MSI2: variants seen among roughly 807,000 people sequenced by gnomAD.
MSI2 encodes musashi RNA binding protein 2, also known as RNA-binding protein Musashi homolog 2.
A neutral mutation model predicts 45.6 loss-of-function variants in MSI2; 17 were observed. The ratio of observed to expected loss-of-function variants is 0.37; its 90% CI spans 0.26 to 0.56. The LOEUF (loss-of-function observed/expected upper bound fraction) is 0.56, where lower values mean the gene tolerates loss of function less well. Among genes scored for constraint, MSI2 ranks in the 20% least tolerant of loss-of-function variants. The pLI, the probability that MSI2 is intolerant of heterozygous loss-of-function variation, is 0.77. For synonymous variants in MSI2, 156 were observed against 158.2 expected (o/e 0.99, Z 0.11); for missense variants, 293 against 444.2 (o/e 0.66, Z 3.06).
rs1221352627 is a variant in MSI2 at position 57,510,588 on chromosome 17, C to T, written c.406-19088C>T. ...GATTACAGGTGTGTGCCACCACGCC[C>T]GGCTAATTTCTGTATTATTAGTAGA... On this transcript the variant is annotated intron_variant, in intron 6 of 13. Transcript: ENST00000284073. 7.9e-5 allele frequency among the ~76,000 whole-genome samples: 12 copies of T among 152,000 alleles called. No individual in the cohort carries two copies. In the South Asian group the frequency reaches 8.3e-4, roughly 11 times the overall value.
intron 6 of MSI2, among the ~76,000 whole-genome samples, chr17:57,461,953 C>A (rs2085238380): frequency 6.6e-6 from 1 of 152,180 alleles, no homozygotes; most frequent in African/African-American, 2.4e-5. Context: ...GCTGCCATAA[C>A]AAAGTACCAC....
At chr17:57,500,581 T>C (rs1371984821) in intron 6 of MSI2, among the ~76,000 whole-genome samples, 2 of 151,624 alleles carry the variant, frequency 1.3e-5, no homozygotes, top group African/African-American at 2.4e-5. Flanking sequence ...TCCGGGTCTG[T>C]AGGGTGTGTG....
intron 11 of MSI2, among the ~76,000 whole-genome samples, chr17:57,666,956 A>G (rs1912412374): frequency 6.6e-6 from 1 of 152,258 alleles, no homozygotes; most frequent in Admixed American, 6.5e-5. Flanking sequence ...TGGAGCCACC[A>G]AACTGTAAGA....
the MSI2 span, among the ~76,000 whole-genome samples, chr17:57,696,779 G>A: frequency 3.9e-5 from 6 of 152,120 alleles, no homozygotes; most frequent in African/African-American, 1.4e-4. Context: ...TTAGGCATTT[G>A]GTCAGTGGGC....
chr17:57,464,877 A>G (rs1416586266), intron 6 of MSI2, among the ~76,000 whole-genome samples: 3 of 152,224 alleles, frequency 2.0e-5, no homozygotes, highest in Non-Finnish European at 4.4e-5. Context: ...ATCGTCAGAT[A>G]TGACAGAGCC....
intron 5 of MSI2, among the ~76,000 whole-genome samples, chr17:57,321,017 C>T (rs1913288736): frequency 1.3e-5 from 2 of 151,760 alleles, no homozygotes; most frequent in South Asian, 4.2e-4. Context: ...GATTCTGTAC[C>T]ACTCACCTGG....
chr17:57,274,123 T>C (rs1261219875), intron 5 of MSI2: 1 of 152,248 alleles, frequency 6.6e-6, no homozygotes, highest in African/African-American at 2.4e-5. Context: ...AATGACGTGA[T>C]GCCACATAGG....
intron 5 of MSI2, among the ~76,000 whole-genome samples, chr17:57,350,980 C>T (rs898414224): frequency 1.3e-5 from 2 of 152,176 alleles, no homozygotes; most frequent in Admixed American, 6.5e-5. Context: ...AGGCTAACCA[C>T]CCCTAGGCCT....
intron 8 of MSI2, among the ~76,000 whole-genome samples, chr17:57,608,989 G>T (rs1308386190): frequency 6.6e-6 from 1 of 152,222 alleles, no homozygotes; most frequent in East Asian, 1.9e-4. Flanking sequence ...GCTGTGCAGG[G>T]AGGTATGTGT....
At position 57,675,491 on chromosome 17, in the gene MSI2, A is replaced by G. The variant is rs139883918; in HGVS notation, c.945+365A>G. ...AGATTGTGGGAGGATTATTCGAAAC[A>G]GTGTCCCACGCTGGCACGTAATAGG... On this transcript the variant is annotated intron_variant, in intron 12 of 13. Coordinates refer to ENST00000284073, the MANE Select transcript of MSI2 (RefSeq NM_138962.4). 9.8e-3 allele frequency among the ~76,000 whole-genome samples: 1,498 copies of G among 152,328 alleles called. 27 individuals are homozygous for G. Among genetic ancestry groups the G allele is most frequent in the African/African-American group, 0.034 (1,415 of 41,576 alleles).
chr17:57,400,201 A>G (rs182662447), intron 5 of MSI2, among the ~76,000 whole-genome samples: 3 of 151,490 alleles, frequency 2.0e-5, no homozygotes, highest in Admixed American at 2.0e-4. Context: ...TTTGGCTCCT[A>G]CGTGTAAGAT....
chr17:57,354,921 G>A (rs1409686777), intron 5 of MSI2, among the ~76,000 whole-genome samples: 1 of 152,182 alleles, frequency 6.6e-6, no homozygotes, highest in Non-Finnish European at 1.5e-5. Flanking sequence ...ACAAAACTGA[G>A]TGTTGAAAAT....
chr17:57,302,906 A>C (rs1911533347), intron 5 of MSI2, among the ~76,000 whole-genome samples: 1 of 152,226 alleles, frequency 6.6e-6, no homozygotes, highest in African/African-American at 2.4e-5. Flanking sequence ...GGACAGCCCC[A>C]GGCAAACATC....
In MSI2 at chr17:57,529,845, C is replaced by T; in HGVS notation, c.454+121C>T. On this transcript the variant is annotated intron_variant, in intron 7 of 13. Transcript: ENST00000284073. The surrounding 1 kb of genome is among the most constrained non-coding windows in gnomAD (Gnocchi z 5.3). Reference sequence around the variant, plus strand: ...TCCAGAGTCAAGCAGGTAGAGGTGACCATCCATTGAAGATCTTTATTCACG... The same window carrying T: ...TCCAGAGTCAAGCAGGTAGAGGTGATCATCCATTGAAGATCTTTATTCACG... 2 of 752,234 alleles carry T rather than the reference C, an allele frequency of 2.7e-6. No homozygotes were observed. The highest frequency in any genetic ancestry group is 5.6e-5 in the East Asian group (2 of 35,806). 46.6% of individuals were successfully genotyped at this position (752,234 alleles called of 1,614,324 possible).
At chr17:57,511,655 G>A (rs149687291) in intron 6 of MSI2, among the ~76,000 whole-genome samples, 3 of 152,258 alleles carry the variant, frequency 2.0e-5, no homozygotes, top group Admixed American at 6.5e-5. Flanking sequence ...CTGTGTCACC[G>A]TGCACAGCAG....
chr17:57,293,595 G>GTTTTTTTGT (rs1910640657), intron 5 of MSI2, among the ~76,000 whole-genome samples: 1 of 134,724 alleles, frequency 7.4e-6, no homozygotes, highest in African/African-American at 3.0e-5. Context: ...TTGTTTTTTT[G>GTTTTTTTGT]TTTTTTTTTT....
At chr17:57,616,884 G>C (rs1299325730) in intron 9 of MSI2, among the ~76,000 whole-genome samples, 1 of 152,232 alleles carries the variant, frequency 6.6e-6, no homozygotes, top group Non-Finnish European at 1.5e-5. Flanking sequence ...TTTAGTGCAA[G>C]TTATTGTGTG....
intron 6 of MSI2, among the ~76,000 whole-genome samples, chr17:57,428,286 T>G (rs1368352153): frequency 6.6e-6 from 1 of 152,148 alleles, no homozygotes; most frequent in African/African-American, 2.4e-5. Context: ...TGCAGTGGCA[T>G]GATCGTGGCT....
At chr17:57,321,820 T>C (rs1464168289) in intron 5 of MSI2, among the ~76,000 whole-genome samples, 1 of 151,968 alleles carries the variant, frequency 6.6e-6, no homozygotes, top group Non-Finnish European at 1.5e-5. Flanking sequence ...TTTTTGAGAC[T>C]GGGTCTCATT....
Sources: allele counts gnomAD v4.1 joint callset (sites outside exome capture counted in the v4.1 genomes callset), GRCh38; gene constraint gnomAD v4.1.1; non-coding constraint Gnocchi (gnomAD v3.1); transcripts MANE v1.5; gene names NCBI Gene and HGNC (gene_info 2026-07-23, HGNC 2026-07-21).